The following SCML4 variants were observed in gnomAD, a reference collection of about 807,000 sequenced individuals.
SCML4 encodes Scm polycomb group protein like 4, also known as sex comb on midleg-like protein 4.
A neutral mutation model predicts 41.1 loss-of-function variants in SCML4; 34 were observed. The ratio of observed to expected loss-of-function variants is 0.83; its 90% CI spans 0.63 to 1.10. The LOEUF (loss-of-function observed/expected upper bound fraction) is 1.10. SCML4 is among the 50% of genes least tolerant of loss of function. The pLI, the probability that SCML4 is intolerant of heterozygous loss-of-function variation, is 0.00. For missense variants in SCML4, 522 were observed against 534.1 expected (o/e 0.98, Z 0.22); for synonymous variants, 214 against 220.9 (o/e 0.97, Z 0.28).
chr6:107,751,370 G>A (rs368822148), intron 2 of SCML4, among the ~76,000 whole-genome samples: 3 of 151,332 alleles, frequency 2.0e-5, no homozygotes, highest in African/African-American at 7.3e-5. Context: ...AATATTCCAG[G>A]CAATGTCGAT....
In SCML4 at chr6:107,735,476, G is replaced by GT. The variant is rs1273929324; in HGVS notation, c.682+9472dup. 1.7e-3 allele frequency among the ~76,000 whole-genome samples: 251 copies of GT among 151,354 alleles called. 1 individual carries two copies. The highest frequency in any genetic ancestry group is 5.7e-3 in the African/African-American group (233 of 41,196). The stretch of plus-strand genomic sequence containing the variant: ...TCCAGTTCTGTTTTTTTTTCTTCAA[G>GT]TTTTTTTTATTGTGGTAAAACACAT... On this transcript the variant is annotated intron_variant, in intron 5 of 7. Transcript: ENST00000369020.
chr6:107,821,814 T>C (rs1460876723), intron 1 of SCML4, among the ~76,000 whole-genome samples: 2 of 152,156 alleles, frequency 1.3e-5, no homozygotes, highest in East Asian at 1.9e-4. Flanking sequence ...ACAGGGCCCC[T>C]GTGAGGGCTT....
intron 3 of SCML4, among the ~76,000 whole-genome samples, chr6:107,748,885 G>T (rs1244811765): frequency 1.3e-5 from 2 of 152,162 alleles, no homozygotes; most frequent in Non-Finnish European, 2.9e-5. Flanking sequence ...GGAGGAACAG[G>T]GTGGCCCGAA....
intron 2 of SCML4, among the ~76,000 whole-genome samples, chr6:107,762,800 T>C (rs1434464359): frequency 6.6e-6 from 1 of 151,632 alleles, no homozygotes; most frequent in African/African-American, 2.4e-5. Context: ...TCCAAAACTC[T>C]GAGACAATAA....
chr6:107,725,472 GT>G (rs1462996293), intron 5 of SCML4, among the ~76,000 whole-genome samples: 1 of 152,204 alleles, frequency 6.6e-6, no homozygotes, highest in African/African-American at 2.4e-5. Context: ...ATGTGTATAT[GT>G]TCAGCTGATT....
chr6:107,818,380 A>G (rs1784703253), intron 1 of SCML4, among the ~76,000 whole-genome samples: 1 of 152,238 alleles, frequency 6.6e-6, no homozygotes, highest in South Asian at 2.1e-4. Flanking sequence ...TGAAAAAATA[A>G]CAGAAATCTA....
intron 2 of SCML4, among the ~76,000 whole-genome samples, chr6:107,767,967 A>C (rs1430960927): frequency 6.6e-6 from 1 of 152,098 alleles, no homozygotes; most frequent in Admixed American, 6.6e-5. Context: ...GTGTGTTAAC[A>C]ATGGCAGAAC....
chr6:107,827,241 A>AATATATTTACATTTTTATTTAAAT (rs1456938147), upstream of SCML4, among the ~76,000 whole-genome samples: 3 of 146,776 alleles, frequency 2.0e-5, no homozygotes, highest in Admixed American at 6.8e-5. Flanking sequence ...TTTTTATTTA[A>AATATATTTACATTTTTATTTAAAT]ATATATTTAC....
At chr6:107,843,513 A>G in the SCML4 span, among the ~76,000 whole-genome samples, 1 of 152,240 alleles carries the variant, frequency 6.6e-6, no homozygotes, top group Non-Finnish European at 1.5e-5. Flanking sequence ...TCCAAAGCAC[A>G]GGGAAGTGGC....
At chr6:107,717,095 C>T (rs778174352) in intron 6 of SCML4, among the ~76,000 whole-genome samples, 72 of 137,338 alleles carry the variant, frequency 5.2e-4, no homozygotes, top group Non-Finnish European at 9.1e-4. Context: ...GTCAGGAGAT[C>T]GAGACCATCC....
chr6:107,767,868 C>T (rs555880731), intron 2 of SCML4, among the ~76,000 whole-genome samples: 3 of 152,244 alleles, frequency 2.0e-5, no homozygotes, highest in African/African-American at 4.8e-5. Flanking sequence ...CAGGCGTGCC[C>T]TCTGCTAGCT....
chr6:107,798,086 T>C (rs1782844100), intron 1 of SCML4, among the ~76,000 whole-genome samples: 1 of 152,000 alleles, frequency 6.6e-6, no homozygotes, highest in Non-Finnish European at 1.5e-5. Flanking sequence ...TTTTCTTTTC[T>C]TATAGTATCC....
chr6:107,833,306 G>A, the SCML4 span, among the ~76,000 whole-genome samples: 874 of 152,244 alleles, frequency 5.7e-3, 9 homozygotes, highest in African/African-American at 0.019. Flanking sequence ...CTCTAAGTCC[G>A]CGCTGTGTGT....
chr6:107,842,431 T>C, the SCML4 span, among the ~76,000 whole-genome samples: 1,995 of 152,318 alleles, frequency 0.013, 37 homozygotes, highest in African/African-American at 0.045. Flanking sequence ...TAGGTCAAGT[T>C]GGTTGATGTT....
intron 1 of SCML4, among the ~76,000 whole-genome samples, chr6:107,798,968 G>C (rs1019507778): frequency 5.3e-5 from 8 of 152,084 alleles, no homozygotes; most frequent in Admixed American, 1.3e-4. Context: ...AATGTATTGA[G>C]ACTTGTTTTA....
chr6:107,715,027 T>G (rs144108888), intron 6 of SCML4, among the ~76,000 whole-genome samples: 1 of 149,928 alleles, frequency 6.7e-6, no homozygotes, highest in Non-Finnish European at 1.5e-5. Context: ...CAGGCTGCAG[T>G]GCAGTGGCAT....
In SCML4 at chr6:107,744,936, G is replaced by A; in HGVS notation, c.682+13C>T. 6.3e-7 allele frequency: 1 copy of A among 1,584,358 alleles called. No homozygotes were observed. The highest frequency in any genetic ancestry group is 8.6e-7 in the Non-Finnish European group (1 of 1,163,116). On this transcript the variant is annotated intron_variant, in intron 5 of 7. Transcript: ENST00000369020. ...GGTGTCCCTGCAGGTGGGGGAAGCA[G>A]GACAAGGCCTACCTGATTCCATCCT...
At chr6:107,803,786 C>T (rs535480346) in intron 1 of SCML4, among the ~76,000 whole-genome samples, 1 of 150,904 alleles carries the variant, frequency 6.6e-6, no homozygotes, top group South Asian at 2.1e-4. Context: ...GTGCTGTGTC[C>T]ACTCAGGGTT....
chr6:107,774,734 T>C (rs1004755722), intron 1 of SCML4, among the ~76,000 whole-genome samples: 1 of 151,946 alleles, frequency 6.6e-6, no homozygotes, highest in African/African-American at 2.4e-5. Flanking sequence ...AGAAAACCCA[T>C]GATCAGGCTG....
Sources: gnomAD v4.1 joint callset for allele counts (sites outside exome capture counted in the v4.1 genomes callset) on GRCh38, gnomAD v4.1.1 for gene constraint, MANE v1.5 for transcripts, NCBI Gene and HGNC (gene_info 2026-07-23, HGNC 2026-07-21) for gene names.